Variants in ANKZF1 observed in about 807,000 individuals in gnomAD.
ANKZF1 encodes the protein ankyrin repeat and zinc finger peptidyl tRNA hydrolase 1.
In ANKZF1, 84 loss-of-function variants were observed where a neutral mutation model predicts 86.0. The ratio of observed to expected loss-of-function variants is 0.98; its 90% confidence interval spans 0.82 to 1.17. The LOEUF is 1.17. Among genes scored for constraint, ANKZF1 ranks in the 50% most tolerant of loss-of-function variants. The probability of loss-of-function intolerance (pLI) is 0.00; values close to 1 mark genes in which losing one functional copy is unlikely to be tolerated. For missense variants in ANKZF1, 893 were observed against 918.4 expected (o/e 0.97, Z 0.36); for synonymous variants, 331 against 354.2 (o/e 0.93, Z 0.74).
rs749317629 is a variant in ANKZF1, at chr2:219,235,570, T to G, written c.1788T>G (p.Asp596Glu). Residue 596 changes from aspartate (D) to glutamate (E), a missense_variant, in exon 11 of 14, where the codon GAT becomes GAG. Coordinates refer to ENST00000323348, the MANE Select transcript of ANKZF1 (RefSeq NM_018089.3). ...RFMEKNPDAY[D>E]YNKAQVPGPL... ...TGGAGAAGAATCCAGATGCCTACGA[T>G]TACAACAAGGCTCAGGTCATCTGGA... 2 of 1,613,878 alleles carry G rather than the reference T, an allele frequency of 1.2e-6. No individual in the cohort carries two copies. The highest frequency in any genetic ancestry group is 1.1e-5 in the South Asian group (1 of 91,060).
rs761635123 is a variant in ANKZF1, at chr2:219,235,255, C to T, written c.1634C>T (p.Ala545Val). ...GFTLLHAAAA[A>V]GRGSVVRLLL... ...ACTCTCCTGCATGCAGCAGCTGCAG[C>T]TGGAAGAGGCTCAGTGGTTCGTCTG... The change falls in exon 10 of 14, where the codon GCT becomes GTT. Residue 545 changes from alanine to valine, a missense_variant. Coordinates refer to ENST00000323348, the MANE Select transcript of ANKZF1 (RefSeq NM_018089.3). 1 of 1,612,526 alleles carries T rather than the reference C, an allele frequency of 6.2e-7. No individual in the cohort carries two copies. Among genetic ancestry groups the T allele is most frequent in the Non-Finnish European group, 8.5e-7 (1 of 1,180,000 alleles).
At position 219,235,856 on chromosome 2, in the gene ANKZF1, C is replaced by T. The variant is rs1217125906; in HGVS notation, c.1952C>T (p.Ala651Val). The T allele has an allele frequency of 6.2e-7, 1 of 1,614,158 alleles. No homozygotes were observed. The highest frequency in any genetic ancestry group is 8.5e-7 in the Non-Finnish European group (1 of 1,180,028). ...REREEQRRFA[A>V]LSDREKRALA... ...CGAGAAGAGCAGCGGCGATTTGCCGCCCTCAGTGACCGAGAGAAGGTGAGG... is the reference window on the plus strand; with the variant it reads ...CGAGAAGAGCAGCGGCGATTTGCCGTCCTCAGTGACCGAGAGAAGGTGAGG... The change falls in exon 12 of 14, where the codon GCC (alanine) becomes GTC (valine). Residue 651 changes from alanine to valine, a missense_variant. Coordinates refer to ENST00000323348, the MANE Select transcript of ANKZF1 (RefSeq NM_018089.3).
At chr2:219,234,026 A>G in intron 8 of ANKZF1, 83 bp downstream of exon 8, 2 of 1,533,204 alleles carry the variant, frequency 1.3e-6, no homozygotes, top group African/African-American at 1.4e-5. Context: ...GTATATCCAG[A>G]GGATTTTCTA....
chr2:219,232,648 C>A lies in ANKZF1; in HGVS notation c.523C>A (p.Leu175Ile), dbSNP rs1951078475. 2.5e-6 allele frequency: 4 copies of A among 1,614,204 alleles called. No homozygotes were observed. The East Asian group carries it at 8.9e-5, about 36-fold the overall frequency. The part of the protein sequence containing the change: ...VLFQNAQGQF[L>I]YAYRCVLGPH... ...TTTCCAGAATGCCCAGGGCCAGTTT[C>A]TTTATGCCTACCGCTGTGTCCTAGG... Residue 175 changes from leucine (L) to isoleucine (I), a missense_variant, in exon 5 of 14, where the codon CTT becomes ATT. Physicochemically the swap from Leu to Ile is conservative, Grantham distance 5. Transcript: ENST00000323348.
Position 219,232,285 on chromosome 2 carries a change from A to G in ANKZF1, c.287A>G (p.His96Arg). 6.2e-7 allele frequency: 1 copy of G among 1,614,236 alleles called. No individual in the cohort carries two copies. The highest frequency in any genetic ancestry group is 1.1e-5 in the South Asian group (1 of 91,090). ...EQREHYKLDW[H>R]RFNLKQRLKD... Reference sequence around the variant, plus strand: ...AGGGAACATTATAAGCTTGACTGGCATCGGTTTAACCTAAAGCAACGTCTC... The same window carrying G: ...AGGGAACATTATAAGCTTGACTGGCGTCGGTTTAACCTAAAGCAACGTCTC... The change falls in exon 4 of 14, where the codon CAT becomes CGT. Residue 96 changes from histidine to arginine, a missense_variant. By Grantham distance (29) the His-to-Arg change is conservative. Transcript: ENST00000323348.
chr2:219,233,269 G>A lies in ANKZF1; in HGVS notation c.672-17G>A, dbSNP rs376146526. 6 of 1,614,120 alleles carry A rather than the reference G, an allele frequency of 3.7e-6. No individual in the cohort carries two copies. In the African/African-American group the frequency reaches 8.0e-5, roughly 22 times the overall value. On this transcript the variant is annotated splice_polypyrimidine_tract_variant and intron_variant, in intron 6 of 13. Transcript: ENST00000323348. ...AGCACCAGCTGGTCTCCAGTACTGA[G>A]TCTGTGCTGTCTACAGAAGAGAAGT...
chr2:219,233,810 GTTC>G lies in ANKZF1; in HGVS notation c.918_920del (p.Phe307del). The G allele has an allele frequency of 6.2e-7, 1 of 1,614,110 alleles. No homozygotes were observed. Among genetic ancestry groups the G allele is most frequent in the African/African-American group, 1.3e-5 (1 of 75,062 alleles). On this transcript the variant is annotated inframe_deletion, in exon 8 of 14. Transcript: ENST00000323348. ...GTGCTCCCCGCTCTGGCCGGTCTTT[GTTC>G]TTTGGAGGCAAGGGAGCACCCCTGC... is the stretch of plus-strand genomic sequence containing the variant.
chr2:219,230,444 C>T (rs781278863), intron 2 of ANKZF1, 39 bp downstream of exon 2: 1 of 1,573,748 alleles, frequency 6.4e-7, no homozygotes, highest in Non-Finnish European at 8.7e-7. Context: ...GACAGGGCTC[C>T]TTACAGCGTA....
intron 9 of ANKZF1, 128 bp from the exon 10 acceptor site, chr2:219,234,698 C>T (rs1951150517): frequency 2.4e-6 from 3 of 1,272,824 alleles, no homozygotes; most frequent in South Asian, 1.5e-5. Flanking sequence ...GGACTCAGCT[C>T]TTGATGTGCT....
intron 2 of ANKZF1, chr2:219,231,681 G>A (rs542769495): frequency 5.1e-5 from 20 of 394,130 alleles, no homozygotes; most frequent in Non-Finnish European, 8.0e-5. Flanking sequence ...AGCGTGAGCC[G>A]CTGCACCTGG....
intron 9 of ANKZF1, 140 bp downstream of exon 9, chr2:219,234,428 G>C: frequency 9.3e-7 from 1 of 1,078,136 alleles, no homozygotes; most frequent in East Asian, 2.4e-5. Flanking sequence ...ACTGAGACAT[G>C]TTTAGTGACC....
At position 219,236,440 on chromosome 2, in the gene ANKZF1, T is replaced by A. The variant is rs555231189; in HGVS notation, c.2176T>A (p.Ser726Thr). Residue 726 changes from serine (S) to threonine (T), a missense_variant, in exon 14 of 14, where the codon TCC becomes ACC. By Grantham distance (58) the Ser-to-Thr change is moderately conservative. Transcript: ENST00000323348. ...TCGCCGTCAGGCAGGGAGGCCCTCT[T>A]CCTGATCTCTTACAGCTCTACCTGG... ...DHRRQAGRPS[S>T] 3 of 1,601,262 alleles carry A rather than the reference T, an allele frequency of 1.9e-6. No homozygotes were observed. The highest frequency in any genetic ancestry group is 1.7e-5 in the Admixed American group (1 of 58,842).
chr2:219,232,684 G>A lies in ANKZF1; in HGVS notation c.558+1G>A, dbSNP rs763682835. 1 of 1,613,336 alleles carries A rather than the reference G, an allele frequency of 6.2e-7. No individual in the cohort carries two copies. Among genetic ancestry groups the A allele is most frequent in the South Asian group, 1.1e-5 (1 of 91,054 alleles). On this transcript the variant is annotated splice_donor_variant, in intron 5 of 13. Transcript: ENST00000323348. LOFTEE classifies it high-confidence loss of function. ...CCGCTGTGTCCTAGGCCCTCATCAG[G>A]CAAGTGACAGTACAGGTTGCATGGC...
chr2:219,230,958 C>G (rs886184312), intron 2 of ANKZF1: 3 of 152,236 alleles, frequency 2.0e-5, no homozygotes, highest in Admixed American at 2.0e-4. Context: ...AGGCTGGTCT[C>G]AAACTCCTGG....
At position 219,236,317 on chromosome 2, in the gene ANKZF1, T is replaced by G; in HGVS notation, c.2058-5T>G. On this transcript the variant is annotated splice_region_variant and splice_polypyrimidine_tract_variant and intron_variant, in intron 13 of 13. Coordinates refer to ENST00000323348, the MANE Select transcript of ANKZF1 (RefSeq NM_018089.3). ...TGTCCAGCCATTTTTCTTCCTCTTGTTCAGACGCTGCTGGAGTTGTGGGGC... is the reference window on the plus strand; with the variant it reads ...TGTCCAGCCATTTTTCTTCCTCTTGGTCAGACGCTGCTGGAGTTGTGGGGC... 1 of 1,614,040 alleles carries G rather than the reference T, an allele frequency of 6.2e-7. No individual in the cohort carries two copies. The highest frequency in any genetic ancestry group is 1.1e-5 in the South Asian group (1 of 91,082).
chr2:219,235,658 G>A (rs1278637299), intron 11 of ANKZF1, 50 bp from the exon 12 acceptor site: 2 of 1,611,250 alleles, frequency 1.2e-6, no homozygotes, highest in Non-Finnish European at 1.7e-6. Context: ...TCTACTTCTT[G>A]CAGTTTTACC....
At position 219,235,575 on chromosome 2, in the gene ANKZF1, A is replaced by G. The variant is rs777542204; in HGVS notation, c.1793A>G (p.Asn598Ser). ...MEKNPDAYDY[N>S]KAQVPGPLTP... ...AAGAATCCAGATGCCTACGATTACAACAAGGCTCAGGTCATCTGGAATAGG... is the reference window on the plus strand; with the variant it reads ...AAGAATCCAGATGCCTACGATTACAGCAAGGCTCAGGTCATCTGGAATAGG... Residue 598 changes from asparagine (N) to serine (S), a missense_variant, in exon 11 of 14, where the codon AAC becomes AGC. Asn to Ser is a conservative substitution (Grantham distance 46). Coordinates refer to ENST00000323348, the MANE Select transcript of ANKZF1 (RefSeq NM_018089.3). 7 of 1,614,046 alleles carry G rather than the reference A, an allele frequency of 4.3e-6. No individual in the cohort carries two copies. The highest frequency in any genetic ancestry group is 2.2e-5 in the South Asian group (2 of 91,074).
chr2:219,233,865 A>C lies in ANKZF1; in HGVS notation c.970A>C (p.Ile324Leu), dbSNP rs1399717650. Residue 324 changes from isoleucine to leucine, a missense_variant, in exon 8 of 14, where the codon ATC becomes CTC. By Grantham distance (5) the Ile-to-Leu change is conservative. Coordinates refer to ENST00000323348, the MANE Select transcript of ANKZF1 (RefSeq NM_018089.3). ...LQRGDPRLWD[I>L]PLATRRPTFQ... Reference sequence around the variant, plus strand: ...AAGGGGGGATCCCCGACTTTGGGATATCCCCCTCGCCACCCGCAGACCCAC... The same window carrying C: ...AAGGGGGGATCCCCGACTTTGGGATCTCCCCCTCGCCACCCGCAGACCCAC... 4 of 1,612,584 alleles carry C rather than the reference A, an allele frequency of 2.5e-6. No individual in the cohort carries two copies. The highest frequency in any genetic ancestry group is 3.4e-6 in the Non-Finnish European group (4 of 1,179,406).
At chr2:219,234,799 G>T in intron 9 of ANKZF1, 27 bp from the exon 10 acceptor site, 1 of 1,590,754 alleles carries the variant, frequency 6.3e-7, no homozygotes, top group South Asian at 1.1e-5. Context: ...TCCCTAGATG[G>T]ATTTCACATG....
Sources: allele counts gnomAD v4.1 joint callset, GRCh38; gene constraint gnomAD v4.1.1; transcripts MANE v1.5; gene names NCBI Gene and HGNC (gene_info 2026-07-23, HGNC 2026-07-21).